The following KIAA0825 variants were observed in gnomAD, a reference collection of about 807,000 sequenced individuals.
KIAA0825 encodes KIAA0825, also known as uncharacterized protein KIAA0825.
In KIAA0825, 119 loss-of-function variants were observed where a neutral mutation model predicts 147.6. The observed-to-expected ratio is 0.81, with a 90% CI of 0.69 to 0.94. The LOEUF is 0.94. Among genes scored for constraint, KIAA0825 ranks in the 40% least tolerant of loss-of-function variants. The pLI is 0.00. For missense variants in KIAA0825, 1,381 were observed against 1,472.7 expected, an observed-to-expected ratio of 0.94 and a Z score of 1.02; for synonymous variants, 470 against 518.1, an observed-to-expected ratio of 0.91 and a Z score of 1.26.
At chr5:94,327,017 A>C (rs1199655469) in intron 20 of KIAA0825, among the ~76,000 whole-genome samples, 4 of 152,218 alleles carry the variant, frequency 2.6e-5, no homozygotes, top group African/African-American at 9.6e-5. Context: ...TTAAAACTAT[A>C]GAGAAAAAAG....
At chr5:94,186,490 A>T (rs920884148) in intron 20 of KIAA0825, among the ~76,000 whole-genome samples, 2 of 152,234 alleles carry the variant, frequency 1.3e-5, no homozygotes, top group Non-Finnish European at 2.9e-5. Flanking sequence ...TAAATAAGTC[A>T]ATTTGTAGGT....
chr5:94,402,958 A>C (rs972907093), intron 16 of KIAA0825, among the ~76,000 whole-genome samples: 3 of 152,114 alleles, frequency 2.0e-5, no homozygotes, highest in Non-Finnish European at 4.4e-5. Flanking sequence ...TGACTAATAA[A>C]ATAAACGAAT....
intron 20 of KIAA0825, among the ~76,000 whole-genome samples, chr5:94,161,825 TTATAA>T (rs1767614627): frequency 6.6e-6 from 1 of 152,208 alleles, no homozygotes; most frequent in Non-Finnish European, 1.5e-5. Context: ...CAGTTTTCTC[TTATAA>T]TATGACAAAT....
intron 2 of KIAA0825, among the ~76,000 whole-genome samples, chr5:94,546,456 T>C (rs1354006741): frequency 1.3e-5 from 2 of 152,054 alleles, no homozygotes; most frequent in Non-Finnish European, 2.9e-5. Context: ...AAGGAAGTTC[T>C]AGTGGTGGTG....
rs149718607 is a variant in KIAA0825 at position 94,233,006 on chromosome 5, C to T, written c.3711-78882G>A. Among the ~76,000 whole-genome samples the T allele has an allele frequency of 2.5e-3, 382 of 152,186 alleles. 3 individuals are homozygous for T. The highest frequency in any genetic ancestry group is 7.1e-4 in the Non-Finnish European group (48 of 67,966). On this transcript the variant is annotated intron_variant, in intron 20 of 20. Transcript: ENST00000682413. ...AAAGTTTGCATGGACTAAAATACTGCACAGGAAATTATATTGTTTTAATTT... is the reference window on the plus strand; with the variant it reads ...AAAGTTTGCATGGACTAAAATACTGTACAGGAAATTATATTGTTTTAATTT...
At chr5:94,435,020 G>A (rs1250404231) in intron 14 of KIAA0825, among the ~76,000 whole-genome samples, 1 of 151,878 alleles carries the variant, frequency 6.6e-6, no homozygotes, top group African/African-American at 2.4e-5. Flanking sequence ...TTTAAAAAAT[G>A]TAATAAATAC....
At chr5:94,345,597 T>C (rs1782890790) in intron 20 of KIAA0825, among the ~76,000 whole-genome samples, 3 of 152,172 alleles carry the variant, frequency 2.0e-5, no homozygotes. Flanking sequence ...ATTTTCAGGA[T>C]TAAAAGTTTA....
At chr5:94,267,466 G>C (rs1012128431) in intron 20 of KIAA0825, among the ~76,000 whole-genome samples, 1 of 152,124 alleles carries the variant, frequency 6.6e-6, no homozygotes, top group Non-Finnish European at 1.5e-5. Flanking sequence ...AACCTTAACA[G>C]TTTTTAAGAC....
intron 20 of KIAA0825, among the ~76,000 whole-genome samples, chr5:94,258,271 TA>T (rs1013590095): frequency 1.3e-5 from 2 of 152,060 alleles, no homozygotes; most frequent in Admixed American, 1.3e-4. Context: ...TAGGAGAGTT[TA>T]TTTTTTTATC....
intron 2 of KIAA0825, among the ~76,000 whole-genome samples, chr5:94,560,295 A>G (rs888364895): frequency 6.6e-6 from 1 of 152,182 alleles, no homozygotes; most frequent in South Asian, 2.1e-4. Flanking sequence ...TATCTGCCTC[A>G]TGTCAGTAAT....
intron 5 of KIAA0825, among the ~76,000 whole-genome samples, chr5:94,510,518 ATACT>A (rs200551464): frequency 0.013 from 1,972 of 152,324 alleles, 58 homozygotes; most frequent in Admixed American, 0.056. Context: ...AGACAACAAC[ATACT>A]TACTTACCCT....
At chr5:94,457,287 A>G (rs917138061) in intron 12 of KIAA0825, among the ~76,000 whole-genome samples, 2 of 152,240 alleles carry the variant, frequency 1.3e-5, no homozygotes, top group African/African-American at 4.8e-5. Context: ...GCTCTAAATA[A>G]TTCATAGTGG....
chr5:94,334,933 G>T (rs1781655504), intron 20 of KIAA0825, among the ~76,000 whole-genome samples: 1 of 152,088 alleles, frequency 6.6e-6, no homozygotes, highest in Non-Finnish European at 1.5e-5. Context: ...GAAAACAGAA[G>T]GTGTATCATG....
At chr5:94,456,154 G>A (rs115157186) in intron 12 of KIAA0825, among the ~76,000 whole-genome samples, 2,442 of 152,152 alleles carry the variant, frequency 0.016, 68 homozygotes, top group African/African-American at 0.056. Flanking sequence ...TGGAGAATGC[G>A]GACATACATA....
intron 20 of KIAA0825, among the ~76,000 whole-genome samples, chr5:94,314,676 G>T (rs1396590337): frequency 6.6e-6 from 1 of 151,476 alleles, no homozygotes; most frequent in Non-Finnish European, 1.5e-5. Context: ...TTGTAAAGTG[G>T]GAGAAAATAA....
intron 20 of KIAA0825, among the ~76,000 whole-genome samples, chr5:94,289,196 T>A (rs1477727175): frequency 6.6e-6 from 1 of 152,164 alleles, no homozygotes; most frequent in Non-Finnish European, 1.5e-5. Flanking sequence ...CTAAAAATAA[T>A]ACTACAGAAG....
intron 20 of KIAA0825, among the ~76,000 whole-genome samples, chr5:94,336,541 T>C (rs1781817262): frequency 6.6e-6 from 1 of 152,030 alleles, no homozygotes; most frequent in African/African-American, 2.4e-5. Context: ...GTTAGTCTGC[T>C]GAGAATGATG....
intron 12 of KIAA0825, among the ~76,000 whole-genome samples, chr5:94,459,222 GTTGATGGGCAT>G: frequency 6.6e-6 from 1 of 152,166 alleles, no homozygotes; most frequent in Non-Finnish European, 1.5e-5. Context: ...CCATTCACTA[GTTGATGGGCAT>G]TTGGCTGCTT....
intron 2 of KIAA0825, among the ~76,000 whole-genome samples, chr5:94,576,283 C>A (rs1194571637): frequency 6.6e-6 from 1 of 152,132 alleles, no homozygotes; most frequent in Non-Finnish European, 1.5e-5. Context: ...GAATATTTGT[C>A]CCCTCCAACA....
Sources: gnomAD v4.1 joint callset for allele counts (sites outside exome capture counted in the v4.1 genomes callset) on GRCh38, gnomAD v4.1.1 for gene constraint, MANE v1.5 for transcripts, NCBI Gene and HGNC (gene_info 2026-07-23, HGNC 2026-07-21) for gene names.